Variants in TLK2 observed in about 807,000 individuals in gnomAD.
The protein encoded by TLK2 is serine/threonine-protein kinase tousled-like 2.
A neutral mutation model predicts 117.3 loss-of-function variants in TLK2; 6 were observed. That is an observed-to-expected ratio of 0.05 (90% CI 0.03 to 0.10). The LOEUF (loss-of-function observed/expected upper bound fraction) is 0.10. Among genes scored for constraint, TLK2 ranks in the 10% least tolerant of loss-of-function variants. The probability of loss-of-function intolerance (pLI) is 1.00; values close to 1 mark genes in which losing one functional copy is unlikely to be tolerated. For synonymous variants in TLK2, 257 were observed against 316.7 expected (o/e 0.81, Z 2.00); for missense variants, 299 against 901.2 (o/e 0.33, Z 8.56).
chr17:62,494,130 C>CTGGA (rs897000579), intron 2 of TLK2, among the ~76,000 whole-genome samples: 11 of 152,148 alleles, frequency 7.2e-5, no homozygotes, highest in African/African-American at 2.4e-4. Context: ...GTTGCCTAGG[C>CTGGA]TGGAGTGCAG....
intron 17 of TLK2, chr17:62,597,372 T>G (rs1202897162): frequency 6.6e-6 from 1 of 152,240 alleles, no homozygotes; most frequent in Admixed American, 6.5e-5. Context: ...TATTCCATTG[T>G]GTGGATATAC....
Position 62,524,307 on chromosome 17 carries a change from A to C in TLK2, c.339A>C (p.Gln113His), listed in dbSNP as rs756919385. 6.2e-7 allele frequency: 1 copy of C among 1,613,608 alleles called. No individual in the cohort carries two copies. The highest frequency in any genetic ancestry group is 1.3e-5 in the African/African-American group (1 of 74,882). ...CACCAGTTGCACGATCCTCACCGCA[A>C]CATTCCTTATCCAATCCCTTACCGG... The part of the protein sequence containing the change: ...SVPPVARSSP[Q>H]HSLSNPLPRR... The change falls in exon 6 of 22, where the codon CAA becomes CAC. Residue 113 changes from glutamine to histidine, a missense_variant. This residue lies in a region of TLK2 where 105 missense variants were observed against 218.4 expected (regional missense o/e 0.48). Transcript: ENST00000346027.
chr17:62,553,578 C>T (rs2078634722), intron 8 of TLK2, 85 bp from the exon 9 acceptor site: 1 of 928,066 alleles, frequency 1.1e-6, no homozygotes, highest in Non-Finnish European at 1.7e-6. Flanking sequence ...TTTTCCCACC[C>T]CCCCGAGAAA....
intron 7 of TLK2, among the ~76,000 whole-genome samples, chr17:62,544,380 A>AGAGTGAAG (rs2077751258): frequency 6.6e-6 from 1 of 152,188 alleles, no homozygotes; most frequent in African/African-American, 2.4e-5. Context: ...AGAGAATGAG[A>AGAGTGAAG]GAGTGAAGGG....
At chr17:62,495,089 C>A (rs1394748385) in intron 2 of TLK2, among the ~76,000 whole-genome samples, 1 of 151,982 alleles carries the variant, frequency 6.6e-6, no homozygotes, top group African/African-American at 2.4e-5. Flanking sequence ...ATCACTTGAA[C>A]CCGGGAGGCG....
At chr17:62,537,078 A>G (rs985176792) in intron 7 of TLK2, among the ~76,000 whole-genome samples, 3 of 152,146 alleles carry the variant, frequency 2.0e-5, no homozygotes, top group African/African-American at 7.2e-5. Context: ...TTCCACTTTC[A>G]GGGGCATCTT....
chr17:62,565,440 G>A (rs2079686024), intron 11 of TLK2, among the ~76,000 whole-genome samples: 1 of 151,754 alleles, frequency 6.6e-6, no homozygotes, highest in Admixed American at 6.6e-5. Context: ...GGATCATGAG[G>A]TCAGGAGTTC....
intron 7 of TLK2, among the ~76,000 whole-genome samples, chr17:62,542,980 A>T (rs1272604069): frequency 6.6e-6 from 1 of 152,244 alleles, no homozygotes; most frequent in African/African-American, 2.4e-5. Context: ...GTCTATTAGC[A>T]TCTATAAAAT....
At chr17:62,568,774 G>C (rs138559386) in intron 11 of TLK2, among the ~76,000 whole-genome samples, 1 of 151,696 alleles carries the variant, frequency 6.6e-6, no homozygotes, top group Non-Finnish European at 1.5e-5. Context: ...TAGTAGAGAC[G>C]GGGTTTTGCC....
chr17:62,608,719 C>T (rs1598916887), intron 21 of TLK2, among the ~76,000 whole-genome samples: 2 of 152,246 alleles, frequency 1.3e-5, no homozygotes, highest in East Asian at 1.9e-4. Flanking sequence ...TACCATGACA[C>T]GGGATTATGG....
chr17:62,589,374 C>A (rs1366928356), intron 16 of TLK2, among the ~76,000 whole-genome samples: 1 of 152,052 alleles, frequency 6.6e-6, no homozygotes, highest in African/African-American at 2.4e-5. Flanking sequence ...TTTGAAAAAT[C>A]TAAATATATG....
At chr17:62,490,927 C>T (rs113932331) in intron 2 of TLK2, among the ~76,000 whole-genome samples, 5 of 152,240 alleles carry the variant, frequency 3.3e-5, no homozygotes, top group Non-Finnish European at 7.4e-5. Flanking sequence ...TAACTTTTAG[C>T]GACAGGACTT....
At chr17:62,509,889 A>G (rs1469029029) in intron 2 of TLK2, among the ~76,000 whole-genome samples, 2 of 152,178 alleles carry the variant, frequency 1.3e-5, no homozygotes, top group Non-Finnish European at 2.9e-5. Context: ...TTGGAAGCAG[A>G]GCCTGGACCC....
chr17:62,608,852 C>T (rs1388836828), intron 21 of TLK2, among the ~76,000 whole-genome samples: 1 of 81,310 alleles, frequency 1.2e-5, no homozygotes, highest in Admixed American at 1.1e-4. Context: ...GCATAAAAAA[C>T]TCGTGAGGCA....
At chr17:62,577,850 A>G (rs1467216170) in intron 13 of TLK2, among the ~76,000 whole-genome samples, 2 of 152,158 alleles carry the variant, frequency 1.3e-5, no homozygotes, top group Non-Finnish European at 2.9e-5. Flanking sequence ...GTTCAAGACC[A>G]GCCTGCCCAG....
At chr17:62,601,640 G>A (rs529353334) in intron 18 of TLK2, among the ~76,000 whole-genome samples, 49 of 152,246 alleles carry the variant, frequency 3.2e-4, no homozygotes, top group African/African-American at 9.6e-4. Context: ...TGCTAGCTTT[G>A]GTTTCCTTAC....
chr17:62,552,278 A>G lies in TLK2; in HGVS notation c.532-24A>G, dbSNP rs373218515. 664 of 1,591,806 alleles carry G rather than the reference A, an allele frequency of 4.2e-4. 1 individual carries two copies. The highest frequency in any genetic ancestry group is 1.0e-3 in the Middle Eastern group (6 of 5,980). On this transcript the variant is annotated intron_variant, in intron 7 of 21. Transcript: ENST00000346027. ...GAAAAAGATGCCAAACTTTCCTGTG[A>G]TTGGTAATGCACCTTTATTGTAGGC...
chr17:62,522,324 T>C (rs796711520), intron 4 of TLK2, 51 bp downstream of exon 4: 12 of 1,555,474 alleles, frequency 7.7e-6, no homozygotes, highest in Non-Finnish European at 1.0e-5. Context: ...TGTACTTAGA[T>C]AGAATTTTCT....
intron 12 of TLK2, among the ~76,000 whole-genome samples, chr17:62,575,593 G>T (rs2146666000): frequency 6.6e-6 from 1 of 152,274 alleles, no homozygotes. Context: ...TATGCTTCTA[G>T]AATGCGAAGA....
Sources: allele counts gnomAD v4.1 joint callset (sites outside exome capture counted in the v4.1 genomes callset), GRCh38; gene constraint gnomAD v4.1.1; regional missense constraint gnomAD v4.1.1; transcripts MANE v1.5; gene names NCBI Gene and HGNC (gene_info 2026-07-23, HGNC 2026-07-21).